The following DNAH10 variants were observed in gnomAD, a reference collection of about 807,000 sequenced individuals.
DNAH10 encodes axonemal beta dynein heavy chain 10.
A neutral mutation model predicts 506.6 loss-of-function variants in DNAH10; 348 were observed. The ratio of observed to expected loss-of-function variants is 0.69; its 90% CI spans 0.63 to 0.75. The LOEUF is 0.75. DNAH10 is among the 30% of genes least tolerant of loss of function. The pLI is 0.00. For missense variants in DNAH10, 5,179 were observed against 5,787.1 expected (o/e 0.89, Z 3.41); for synonymous variants, 2,059 against 2,198.6 (o/e 0.94, Z 1.78).
chr12:123,772,382 G>A (rs1957286280), intron 3 of DNAH10, among the ~76,000 whole-genome samples: 1 of 152,224 alleles, frequency 6.6e-6, no homozygotes, highest in African/African-American at 2.4e-5. Flanking sequence ...AAGAGCCGAA[G>A]GCCGGTTCTG....
Position 123,838,628 on chromosome 12 carries a change from A to G in DNAH10, c.5075A>G (p.Asp1692Gly), listed in dbSNP as rs1274825189. The part of the protein sequence containing the change: ...AFPRFFFISD[D>G]ELLSILGSSD... ...CCAAGGTTCTTCTTCATTTCTGACG[A>G]TGAGTTGCTTAGCATTCTGGGGAGC... The change falls in exon 29 of 79, where the codon GAT becomes GGT. Residue 1692 changes from aspartate to glycine, a missense_variant. Asp to Gly is a moderately conservative substitution (Grantham distance 94). Around this residue, in one of 3 missense-constraint regions of DNAH10, gnomAD observed 4,844 missense variants for 5,430.5 expected, o/e 0.89. Coordinates refer to ENST00000673944, the MANE Select transcript of DNAH10 (RefSeq NM_001372106.1). The G allele has an allele frequency of 3.7e-6, 6 of 1,613,998 alleles. No individual in the cohort carries two copies. The highest frequency in any genetic ancestry group is 2.5e-6 in the Non-Finnish European group (3 of 1,179,884).
chr12:123,843,926 A>C (rs150631808), intron 30 of DNAH10, among the ~76,000 whole-genome samples: 1 of 152,318 alleles, frequency 6.6e-6, no homozygotes, highest in Non-Finnish European at 1.5e-5. Context: ...TCATCAAGAT[A>C]ATGACTATAG....
At position 123,909,898 on chromosome 12, in the gene DNAH10, G is replaced by A. The variant is rs1442753685; in HGVS notation, c.9997+456G>A. On this transcript the variant is annotated intron_variant, in intron 58 of 78. Transcript: ENST00000673944. This position sits in a 1 kb window ranked among gnomAD's most constrained non-coding sequence, Gnocchi z 5.4. ...ATGGGGGTGGGCAGCATCACTGATG[G>A]CCAGCCTCTCCTCCATCTTTGGTTA... 1.3e-5 allele frequency among the ~76,000 whole-genome samples: 2 copies of A among 152,154 alleles called. No homozygotes were observed. The highest frequency in any genetic ancestry group is 1.9e-4 in the East Asian group (1 of 5,192).
chr12:123,777,510 G>T (rs1197372930), intron 5 of DNAH10, among the ~76,000 whole-genome samples: 1 of 152,206 alleles, frequency 6.6e-6, no homozygotes, highest in Non-Finnish European at 1.5e-5. Flanking sequence ...TAGGCTGTGG[G>T]GCCCTCCCCA....
In DNAH10 at chr12:123,907,641, G is replaced by T. The variant is rs1047674106; in HGVS notation, c.9816-1620G>T. ...CACAGATGGGGAAACTGACGCCCTG[G>T]CTGGTTCCTAACTTGCCCAAGGGCT... On this transcript the variant is annotated intron_variant, in intron 57 of 78. Transcript: ENST00000673944. The surrounding 1 kb of genome is among the most constrained non-coding windows in gnomAD (Gnocchi z 4.4). Among the ~76,000 whole-genome samples, 2 of 152,166 alleles carry T rather than the reference G, an allele frequency of 1.3e-5. No individual in the cohort carries two copies. The highest frequency in any genetic ancestry group is 4.8e-5 in the African/African-American group (2 of 41,432).
chr12:123,918,562 T>C (rs911439145), intron 64 of DNAH10, 114 bp from the exon 65 acceptor site: 1 of 1,313,564 alleles, frequency 7.6e-7, no homozygotes, highest in African/African-American at 1.5e-5. Flanking sequence ...AGTCCCTGGA[T>C]ACTTTCAAAG....
At chr12:123,855,659 A>T (rs1256058097) in intron 36 of DNAH10, among the ~76,000 whole-genome samples, 1 of 150,430 alleles carries the variant, frequency 6.6e-6, no homozygotes, top group Non-Finnish European at 1.5e-5. Context: ...ATAATAATAA[A>T]AAGTATATAT....
In DNAH10 at chr12:123,913,333, G is replaced by T. The variant is rs1254766341; in HGVS notation, c.10352+18G>T. 6.4e-7 allele frequency: 1 copy of T among 1,561,730 alleles called. No homozygotes were observed. Among genetic ancestry groups the T allele is most frequent in the Non-Finnish European group, 8.7e-7 (1 of 1,152,748 alleles). On this transcript the variant is annotated intron_variant, in intron 60 of 78. Coordinates refer to ENST00000673944, the MANE Select transcript of DNAH10 (RefSeq NM_001372106.1). The surrounding 1 kb of genome is among the most constrained non-coding windows in gnomAD (Gnocchi z 5.1). The stretch of plus-strand genomic sequence containing the variant: ...AACATCAGGTTAGCGCTGCTCACGA[G>T]CCCACCTGTTGCGGTTTGTAAACGG...
At chr12:123,874,093 T>C (rs1952142604) in intron 46 of DNAH10, among the ~76,000 whole-genome samples, 1 of 152,210 alleles carries the variant, frequency 6.6e-6, no homozygotes, top group Admixed American at 6.5e-5. Flanking sequence ...TCCGCTGGAC[T>C]CTTCAAGGAA....
chr12:123,932,697 GTTC>G (rs1955275873), intron 76 of DNAH10: 1 of 152,614 alleles, frequency 6.6e-6, no homozygotes, highest in Non-Finnish European at 1.5e-5. Flanking sequence ...GCAATGCTGC[GTTC>G]TTAACATTTT....
intron 5 of DNAH10, among the ~76,000 whole-genome samples, chr12:123,774,753 C>T (rs981995150): frequency 7.2e-5 from 11 of 152,372 alleles, no homozygotes; most frequent in African/African-American, 2.6e-4. Context: ...GCCAGGTGTT[C>T]CTTGCCCTCA....
At chr12:123,792,128 T>TTAA (rs1049187896) in intron 11 of DNAH10, among the ~76,000 whole-genome samples, 1 of 152,252 alleles carries the variant, frequency 6.6e-6, no homozygotes, top group Non-Finnish European at 1.5e-5. Flanking sequence ...TAACTTTTAG[T>TTAA]TAAATTAATG....
chr12:123,899,386 G>A (rs937596314), intron 56 of DNAH10, among the ~76,000 whole-genome samples: 1 of 152,116 alleles, frequency 6.6e-6, no homozygotes, highest in Admixed American at 6.6e-5. Context: ...GGCTTCTGAT[G>A]TGTACCCTCC....
At chr12:123,934,508 G>T (rs755239127) in intron 77 of DNAH10, 113 bp from the exon 78 acceptor site, 467 of 1,350,572 alleles carry the variant, frequency 3.5e-4, no homozygotes, top group Non-Finnish European at 4.4e-4. Flanking sequence ...CCAATGCGCT[G>T]GGGAGGAGGC....
chr12:123,910,160 T>C (rs529007715), intron 58 of DNAH10, among the ~76,000 whole-genome samples: 4 of 152,314 alleles, frequency 2.6e-5, no homozygotes, highest in South Asian at 2.1e-4. Context: ...TGAATCTTCA[T>C]TGGATGGACT....
rs112754859 is a variant in DNAH10, at chr12:123,928,868, A to C, written c.12306+281A>C. On this transcript the variant is annotated intron_variant, in intron 70 of 78. Coordinates refer to ENST00000673944, the MANE Select transcript of DNAH10 (RefSeq NM_001372106.1). The surrounding 1 kb of genome is among the most constrained non-coding windows in gnomAD (Gnocchi z 4.9). ...CATAAACTTCACGGCCCCCCCCCCC[A>C]CACACAGCCTGCAGTTCGCTAGTGC... is the stretch of plus-strand genomic sequence containing the variant. 0.019 allele frequency: 7,698 copies of C among 414,146 alleles called. 562 individuals are homozygous for C. The highest frequency in any genetic ancestry group is 0.18 in the African/African-American group (6,777 of 37,828). The allele number at this position is 414,146 out of a possible 1,614,324, so 25.7% of individuals were successfully genotyped here.
chr12:123,924,184 T>C, intron 66 of DNAH10, 94 bp from the exon 67 acceptor site: 3 of 1,448,674 alleles, frequency 2.1e-6, no homozygotes, highest in Non-Finnish European at 2.7e-6. Flanking sequence ...TCTTGAAAAG[T>C]GGACTTTTCC....
intron 54 of DNAH10, among the ~76,000 whole-genome samples, chr12:123,896,148 CAG>C (rs71444923): frequency 0.043 from 4,036 of 93,746 alleles, 128 homozygotes; most frequent in African/African-American, 0.083. Flanking sequence ...CACACACACA[CAG>C]AGAGAGAGAG....
rs778868606 is a variant in DNAH10, at chr12:123,931,766, T to C, written c.13047T>C (p.Thr4349=). Residue 4349 remains threonine (T), a synonymous_variant, in exon 75 of 79, where the codon ACT becomes ACC. Coordinates refer to ENST00000673944, the MANE Select transcript of DNAH10 (RefSeq NM_001372106.1). The part of the protein sequence containing the change: ...RKRLGTGLSP[T]SVVLLQELER... ...GCCTCGGAACAGGACTCTCCCCCACTTCGGTGGTGCTCCTGCAGGAACTGG... is the reference window on the plus strand; with the variant it reads ...GCCTCGGAACAGGACTCTCCCCCACCTCGGTGGTGCTCCTGCAGGAACTGG... 19 of 1,613,908 alleles carry C rather than the reference T, an allele frequency of 1.2e-5. No homozygotes were observed. The African/African-American group carries it at 1.9e-4, about 16-fold the overall frequency.
Sources: gnomAD v4.1 joint callset for allele counts (sites outside exome capture counted in the v4.1 genomes callset) on GRCh38, gnomAD v4.1.1 for gene constraint, gnomAD v4.1.1 regional missense constraint, Gnocchi (gnomAD v3.1) non-coding constraint, MANE v1.5 for transcripts, NCBI Gene and HGNC (gene_info 2026-07-23, HGNC 2026-07-21) for gene names.